MAPK8IP3: variants seen among roughly 807,000 people sequenced by gnomAD.
The protein encoded by MAPK8IP3 is mitogen-activated protein kinase 8 interacting protein 3, also known as C-Jun-amino-terminal kinase-interacting protein 3.
A neutral mutation model predicts 157.8 loss-of-function variants in MAPK8IP3; 49 were observed. The observed-to-expected ratio is 0.31, with a 90% CI of 0.25 to 0.39. MAPK8IP3 has a LOEUF of 0.39. Ranked by LOEUF, MAPK8IP3 falls within the 10% of genes least tolerant of loss-of-function variation. The pLI, the probability that MAPK8IP3 is intolerant of heterozygous loss-of-function variation, is 1.00. For missense variants in MAPK8IP3, 1,478 were observed against 1,889.4 expected (o/e 0.78, Z 4.04); for synonymous variants, 897 against 777.7 (o/e 1.15, Z -2.55).
chr16:1,734,616 G>C (rs553137772), intron 4 of MAPK8IP3, among the ~76,000 whole-genome samples: 1 of 152,372 alleles, frequency 6.6e-6, no homozygotes, highest in South Asian at 2.1e-4. Context: ...GGGGTGCTGG[G>C]ACAGGCCTTG....
At position 1,741,116 on chromosome 16, in the gene MAPK8IP3, C is replaced by A. The variant is rs1225151816; in HGVS notation, c.603-2216C>A. 6.6e-6 allele frequency among the ~76,000 whole-genome samples: 1 copy of A among 152,144 alleles called. No individual in the cohort carries two copies. Among genetic ancestry groups the A allele is most frequent in the East Asian group, 1.9e-4 (1 of 5,190 alleles). On this transcript the variant is annotated intron_variant, in intron 4 of 31. Coordinates refer to ENST00000610761, the MANE Select transcript of MAPK8IP3 (RefSeq NM_001318852.2). The surrounding 1 kb of genome is among the most constrained non-coding windows in gnomAD (Gnocchi z 6.9). ...ATCAGTCGGACCTGGACTCATAGCC[C>A]AGCTCCCTCACTCACCAGCCTGTGT...
chr16:1,753,480 G>T (rs1350930459), intron 8 of MAPK8IP3, among the ~76,000 whole-genome samples: 1 of 150,146 alleles, frequency 6.7e-6, no homozygotes, highest in African/African-American at 2.5e-5. Flanking sequence ...TTGCTCTGTT[G>T]CCCAGGCTGG....
chr16:1,720,648 A>C (rs934682776), intron 1 of MAPK8IP3, among the ~76,000 whole-genome samples: 13 of 152,206 alleles, frequency 8.5e-5, no homozygotes, highest in Non-Finnish European at 1.5e-4. Flanking sequence ...TTCTGTTTTT[A>C]CCTAACACTG....
intron 2 of MAPK8IP3, among the ~76,000 whole-genome samples, chr16:1,725,270 C>G (rs1371960502): frequency 1.3e-5 from 2 of 151,380 alleles, no homozygotes; most frequent in African/African-American, 4.9e-5. Flanking sequence ...TGGCATGCGC[C>G]TGTGGTCTCA....
intron 4 of MAPK8IP3, among the ~76,000 whole-genome samples, chr16:1,737,281 TGTGA>T (rs1161716070): frequency 3.8e-4 from 39 of 103,068 alleles, no homozygotes; most frequent in East Asian, 1.2e-3. Context: ...TGAGCGTCCG[TGTGA>T]GTGTGACCAT....
At chr16:1,762,557 C>G (rs1222695604) in intron 14 of MAPK8IP3, 76 bp downstream of exon 14, 1 of 1,587,994 alleles carries the variant, frequency 6.3e-7, no homozygotes, top group African/African-American at 1.3e-5. Context: ...TCCTCTGCAC[C>G]TCCCTGTCTT....
chr16:1,766,091 C>T lies in MAPK8IP3; in HGVS notation c.2578C>T (p.Arg860Trp), dbSNP rs376185931. 4.3e-6 allele frequency: 7 copies of T among 1,612,778 alleles called. No individual in the cohort carries two copies. Among genetic ancestry groups the T allele is most frequent in the Non-Finnish European group, 5.9e-6 (7 of 1,179,912 alleles). The change falls in exon 21 of 32, where the codon CGG becomes TGG. Residue 860 changes from arginine (R) to tryptophan (W), a missense_variant. Arg to Trp is a moderately radical substitution (Grantham distance 101). Transcript: ENST00000610761. ...CTGTGCCACCCGCTGCAACGTGCCG[C>T]GGAGCAACTGCTCCTCCCGAGGGGA... ...VGCATRCNVPRSNCSSRGDTP... is the reference protein window; with the variant it reads ...VGCATRCNVPWSNCSSRGDTP...
chr16:1,745,991 G>A lies in MAPK8IP3; in HGVS notation c.748-1038G>A, dbSNP rs376240280. On this transcript the variant is annotated intron_variant, in intron 5 of 31. Coordinates refer to ENST00000610761, the MANE Select transcript of MAPK8IP3 (RefSeq NM_001318852.2). ...GGCCAGTATAAGTCAGCTGTGGAGA[G>A]GGCTGGATACCCCCTCGACAGCTCC... 3 of 152,294 alleles carry A rather than the reference G, an allele frequency of 2.0e-5. No homozygotes were observed. The East Asian group carries it at 5.8e-4, about 29-fold the overall frequency. 9.4% of individuals were successfully genotyped at this position (152,294 alleles called of 1,614,324 possible).
rs377525720 is a variant in MAPK8IP3, at chr16:1,758,886, C to T, written c.1229-92C>T. ...TCTGAATTCCTCCCAGCCTGCTGTC[C>T]ACACGGGCTTAACGCGCTTCTCTTC... On this transcript the variant is annotated intron_variant, in intron 9 of 31. Coordinates refer to ENST00000610761, the MANE Select transcript of MAPK8IP3 (RefSeq NM_001318852.2). The T allele has an allele frequency of 1.6e-5, 23 of 1,400,634 alleles. 1 individual carries two copies. The South Asian group carries it at 2.7e-4, about 16-fold the overall frequency. 86.8% of individuals were successfully genotyped at this position (1,400,634 alleles called of 1,614,324 possible).
chr16:1,758,892 G>T (rs1282570427), intron 9 of MAPK8IP3, 86 bp from the exon 10 acceptor site: 3 of 1,458,332 alleles, frequency 2.1e-6, no homozygotes, highest in Non-Finnish European at 2.9e-6. Flanking sequence ...TGTCCACACG[G>T]GCTTAACGCG....
Position 1,760,543 on chromosome 16 carries a change from G to A in MAPK8IP3, c.1457+11G>A. On this transcript the variant is annotated intron_variant, in intron 12 of 31. Transcript: ENST00000610761. ...AGAGGAACTGAAAAGGTGAGGGCAG[G>A]GCATGGAAAGCTGGTCAGAGAGGGA... The A allele has an allele frequency of 3.1e-6, 5 of 1,606,860 alleles. No homozygotes were observed. The highest frequency in any genetic ancestry group is 3.4e-6 in the Non-Finnish European group (4 of 1,174,998).
At chr16:1,750,233 A>G (rs2041212037) in intron 8 of MAPK8IP3, among the ~76,000 whole-genome samples, 1 of 149,380 alleles carries the variant, frequency 6.7e-6, no homozygotes, top group African/African-American at 2.4e-5. Flanking sequence ...TTTATTTCTT[A>G]GACAAAGTCC....
chr16:1,758,244 C>A, intron 9 of MAPK8IP3, 85 bp downstream of exon 9: 1 of 1,533,706 alleles, frequency 6.5e-7, no homozygotes, highest in South Asian at 1.1e-5. Flanking sequence ...TATCCCGTCA[C>A]CGTGGCTGTG....
At chr16:1,728,631 C>T (rs1357812939) in intron 2 of MAPK8IP3, among the ~76,000 whole-genome samples, 1 of 147,624 alleles carries the variant, frequency 6.8e-6, no homozygotes, top group African/African-American at 2.6e-5. Context: ...GCACACACAG[C>T]AGCCCCCCAG....
chr16:1,753,980 T>A (rs1475720196), intron 8 of MAPK8IP3, among the ~76,000 whole-genome samples: 4 of 151,636 alleles, frequency 2.6e-5, no homozygotes, highest in Non-Finnish European at 4.4e-5. Flanking sequence ...AAGACCAGCC[T>A]GGCCAAGATA....
intron 1 of MAPK8IP3, among the ~76,000 whole-genome samples, chr16:1,722,482 G>T (rs1296896523): frequency 6.6e-6 from 1 of 152,158 alleles, no homozygotes; most frequent in African/African-American, 2.4e-5. Flanking sequence ...CACAGCTGTG[G>T]CCACTACCCA....
intron 1 of MAPK8IP3, among the ~76,000 whole-genome samples, chr16:1,716,915 C>T (rs775457485): frequency 2.6e-5 from 4 of 151,840 alleles, no homozygotes; most frequent in Admixed American, 6.6e-5. Flanking sequence ...AAAAATTAGC[C>T]GCGTGTGGTG....
chr16:1,762,875 G>C lies in MAPK8IP3; in HGVS notation c.1767G>C (p.Pro589=). The part of the protein sequence containing the change: ...RLFSSSSSPP[P]AKRPYPSVNI... ...TCAGCTCTTCCTCCAGCCCCCCTCC[G>C]GCCAAGCGCCCCTATCCCTCGGTGA... is the stretch of plus-strand genomic sequence containing the variant. Residue 589 remains proline (P), a synonymous_variant, in exon 16 of 32, where the codon CCG becomes CCC. Transcript: ENST00000610761. 6.2e-7 allele frequency: 1 copy of C among 1,612,992 alleles called. No homozygotes were observed. Among genetic ancestry groups the C allele is most frequent in the Non-Finnish European group, 8.5e-7 (1 of 1,179,912 alleles).
At position 1,766,234 on chromosome 16, in the gene MAPK8IP3, A is replaced by G. The variant is rs1306950583; in HGVS notation, c.2644A>G (p.Ile882Val). Residue 882 changes from isoleucine (I) to valine (V), a missense_variant, in exon 22 of 32, where the codon ATC (isoleucine) becomes GTC (valine). Transcript: ENST00000610761. ...TCCTAACACAGGGGAGGTGGCCACC[A>G]TCGCCAACGGGAAGGTCAACCCGTC... ...LDKGQGEVAT[I>V]ANGKVNPSQS... The G allele has an allele frequency of 1.2e-6, 2 of 1,609,566 alleles. No homozygotes were observed. Among genetic ancestry groups the G allele is most frequent in the African/African-American group, 1.3e-5 (1 of 74,836 alleles).
Sources: allele counts gnomAD v4.1 joint callset (sites outside exome capture counted in the v4.1 genomes callset), GRCh38; gene constraint gnomAD v4.1.1; non-coding constraint Gnocchi (gnomAD v3.1); transcripts MANE v1.5; gene names NCBI Gene and HGNC (gene_info 2026-07-23, HGNC 2026-07-21).